The following BIVM variants were observed in gnomAD, a reference collection of about 807,000 sequenced individuals.
The protein encoded by BIVM is basic, immunoglobulin-like variable motif containing, also known as basic immunoglobulin-like variable motif-containing protein.
BIVM carries 31 observed loss-of-function variants against 61.4 expected under a neutral mutation model. That is an observed-to-expected ratio of 0.51 (90% confidence interval 0.38 to 0.68). The LOEUF (loss-of-function observed/expected upper bound fraction) is 0.68, where lower values mean the gene tolerates loss of function less well. Among genes scored for constraint, BIVM ranks in the 30% least tolerant of loss-of-function variants. The pLI is 0.00. For synonymous variants in BIVM, 189 were observed against 210.7 expected (o/e 0.90, Z 0.89); for missense variants, 526 against 596.0 (o/e 0.88, Z 1.22).
chr13:102,803,178 G>A (rs917500092), intron 1 of BIVM, among the ~76,000 whole-genome samples: 1 of 149,838 alleles, frequency 6.7e-6, no homozygotes, highest in East Asian at 2.0e-4. Context: ...AAAAAAAAAG[G>A]TTATTCTATA....
At chr13:102,836,050 G>A (rs1207847425) in intron 9 of BIVM, among the ~76,000 whole-genome samples, 1 of 152,146 alleles carries the variant, frequency 6.6e-6, no homozygotes, top group Non-Finnish European at 1.5e-5. Flanking sequence ...TGTTCTCCTG[G>A]AAGACACCTA....
chr13:102,807,335 A>G lies in BIVM; in HGVS notation c.68A>G (p.Lys23Arg). 6.2e-7 allele frequency: 1 copy of G among 1,614,200 alleles called. No individual in the cohort carries two copies. Among genetic ancestry groups the G allele is most frequent in the Admixed American group, 1.7e-5 (1 of 60,022 alleles). ...AATGGTGAGCACAAATCTGAGAGAA[A>G]GTCACCTGAAGAGAATCTACAAGGT... ...SGNGEHKSER[K>R]SPEENLQGAV... is the part of the protein sequence containing the mutation. The change falls in exon 3 of 11, where the codon AAG becomes AGG. Residue 23 changes from lysine to arginine, a missense_variant. Lys to Arg is a conservative substitution (Grantham distance 26, BLOSUM62 2). Around this residue, in one of 3 missense-constraint regions of BIVM, gnomAD observed 312 missense variants for 343.8 expected, o/e 0.91. Coordinates refer to ENST00000257336, the MANE Select transcript of BIVM (RefSeq NM_017693.4). The surrounding 1 kb of genome is among the most constrained non-coding windows in gnomAD (Gnocchi z 4.0).
At chr13:102,825,429 A>T (rs1880606219) in intron 7 of BIVM, among the ~76,000 whole-genome samples, 1 of 152,028 alleles carries the variant, frequency 6.6e-6, no homozygotes, top group South Asian at 2.1e-4. Context: ...CAATGTAAAA[A>T]CCATTTTAGC....
At chr13:102,831,827 A>T in intron 8 of BIVM, 130 bp downstream of exon 8, 1 of 872,710 alleles carries the variant, frequency 1.1e-6, no homozygotes. Context: ...CAGAAGATCG[A>T]GACCATCCTG....
intron 8 of BIVM, among the ~76,000 whole-genome samples, chr13:102,833,032 G>A (rs1350362073): frequency 6.6e-6 from 1 of 152,006 alleles, no homozygotes; most frequent in African/African-American, 2.4e-5. Flanking sequence ...GCTGAGGCAG[G>A]CAGATTGCTT....
At position 102,831,705 on chromosome 13, in the gene BIVM, T is replaced by G. The variant is rs772069245; in HGVS notation, c.1034+8T>G. Reference sequence around the variant, plus strand: ...AGCTAATAAAGCATTCAGGTAAGCATTGACGTGTTTTAGAAAGTGCATTTT... The same window carrying G: ...AGCTAATAAAGCATTCAGGTAAGCAGTGACGTGTTTTAGAAAGTGCATTTT... On this transcript the variant is annotated splice_region_variant and intron_variant, in intron 8 of 10. Coordinates refer to ENST00000257336, the MANE Select transcript of BIVM (RefSeq NM_017693.4). 1 of 1,613,960 alleles carries G rather than the reference T, an allele frequency of 6.2e-7. No individual in the cohort carries two copies. The highest frequency in any genetic ancestry group is 1.1e-5 in the South Asian group (1 of 91,062).
At chr13:102,815,765 G>A (rs1210553253) in intron 3 of BIVM, among the ~76,000 whole-genome samples, 2 of 152,188 alleles carry the variant, frequency 1.3e-5, no homozygotes, top group African/African-American at 2.4e-5. Flanking sequence ...TTGTATGTGT[G>A]TGCATGTATG....
At chr13:102,834,439 C>T (rs368146903) in intron 8 of BIVM, 27 bp from the exon 9 acceptor site, 31 of 1,579,194 alleles carry the variant, frequency 2.0e-5, no homozygotes, top group Middle Eastern at 1.7e-4. Context: ...AACTATTAAA[C>T]GTACTGTGAA....
At chr13:102,819,186 A>T (rs953098843) in intron 4 of BIVM, among the ~76,000 whole-genome samples, 1 of 152,228 alleles carries the variant, frequency 6.6e-6, no homozygotes, top group Non-Finnish European at 1.5e-5. Flanking sequence ...GAATAAGGAC[A>T]TTAGTAAATT....
In BIVM at chr13:102,841,147, TCTG is replaced by T. The variant is rs1881771983; in HGVS notation, c.*1287_*1289del. On this transcript the variant is annotated 3_prime_UTR_variant, in exon 11 of 11. Coordinates refer to ENST00000257336, the MANE Select transcript of BIVM (RefSeq NM_017693.4). Reference sequence around the variant, plus strand: ...TCCTCTAGTTGCTGTTGGTTTTTCTTCTGCTGCCAACCTGTGACTCACAAATGA... The same window carrying T: ...TCCTCTAGTTGCTGTTGGTTTTTCTTCTGCCAACCTGTGACTCACAAATGA... The T allele has an allele frequency of 6.6e-6, 1 of 152,602 alleles. No homozygotes were observed. Among genetic ancestry groups the T allele is most frequent in the Admixed American group, 6.5e-5 (1 of 15,274 alleles). The allele number at this position is 152,602 out of a possible 1,614,324, so 9.5% of individuals were successfully genotyped here.
rs562045701 is a variant in BIVM at position 102,834,835 on chromosome 13, A to G, written c.1121+283A>G. Among the ~76,000 whole-genome samples, 12 of 152,324 alleles carry G rather than the reference A, an allele frequency of 7.9e-5. No homozygotes were observed. The East Asian group carries it at 2.3e-3, about 29-fold the overall frequency. ...ATCAGACAATATTATTTTTGCATCA[A>G]TATCTTAAGTAACATTTTTGAGATT... is the stretch of plus-strand genomic sequence containing the variant. On this transcript the variant is annotated intron_variant, in intron 9 of 10. Coordinates refer to ENST00000257336, the MANE Select transcript of BIVM (RefSeq NM_017693.4).
In BIVM at chr13:102,807,586, T is replaced by C. The variant is rs1879186827; in HGVS notation, c.319T>C (p.Ser107Pro). 6.2e-7 allele frequency: 1 copy of C among 1,614,088 alleles called. No individual in the cohort carries two copies. Among genetic ancestry groups the C allele is most frequent in the Non-Finnish European group, 8.5e-7 (1 of 1,180,052 alleles). Residue 107 changes from serine (S) to proline (P), a missense_variant, in exon 3 of 11, where the codon TCA becomes CCA. Physicochemically the swap from Ser to Pro is moderately conservative, Grantham distance 74. Around this residue, in one of 3 missense-constraint regions of BIVM, gnomAD observed 312 missense variants for 343.8 expected, o/e 0.91. Coordinates refer to ENST00000257336, the MANE Select transcript of BIVM (RefSeq NM_017693.4). The surrounding 1 kb of genome is among the most constrained non-coding windows in gnomAD (Gnocchi z 4.0). ...CTCTTTATCTGCTGGAAATAATTCA[T>C]CAAGATACATTGGTATCCCGACTAG... ...STSLSAGNNS[S>P]RYIGIPTSTS...
At chr13:102,824,880 C>T (rs564049186) in intron 7 of BIVM, among the ~76,000 whole-genome samples, 2 of 152,234 alleles carry the variant, frequency 1.3e-5, no homozygotes, top group Admixed American at 6.5e-5. Flanking sequence ...TCCCCTTAGC[C>T]TCCCAAGTAG....
At chr13:102,821,963 G>T (rs1880324861) in intron 6 of BIVM, 102 bp from the exon 7 acceptor site, 1 of 1,528,716 alleles carries the variant, frequency 6.5e-7, no homozygotes, top group Non-Finnish European at 9.0e-7. Flanking sequence ...ACCTCTCATA[G>T]GTATACCAAC....
chr13:102,801,852 C>G (rs1275069332), intron 1 of BIVM: 1 of 152,158 alleles, frequency 6.6e-6, no homozygotes, highest in Non-Finnish European at 1.5e-5. Flanking sequence ...GTTTGAGAAG[C>G]CAAGAAGGTT....
intron 7 of BIVM, among the ~76,000 whole-genome samples, chr13:102,831,295 T>G (rs114496290): frequency 1.0e-3 from 156 of 152,312 alleles, no homozygotes; most frequent in African/African-American, 3.7e-3. Context: ...TAGACAAGTA[T>G]GTGTGTTATT....
Position 102,807,454 on chromosome 13 carries a change from C to T in BIVM, c.187C>T (p.Arg63Trp), listed in dbSNP as rs778387106. ...ATGGAGTTGTCCAGTGACTCATACACGGGAAAAAATTTATGCCATCTGTTC... is the reference window on the plus strand; with the variant it reads ...ATGGAGTTGTCCAGTGACTCATACATGGGAAAAAATTTATGCCATCTGTTC... ...YPWSCPVTHT[R>W]EKIYAICSDY... Residue 63 changes from arginine (R) to tryptophan (W), a missense_variant, in exon 3 of 11, where the codon CGG becomes TGG. By Grantham distance (101) the Arg-to-Trp change is moderately radical. Coordinates refer to ENST00000257336, the MANE Select transcript of BIVM (RefSeq NM_017693.4). The surrounding 1 kb of genome is among the most constrained non-coding windows in gnomAD (Gnocchi z 4.0). 28 of 1,614,020 alleles carry T rather than the reference C, an allele frequency of 1.7e-5. No homozygotes were observed. Among genetic ancestry groups the T allele is most frequent in the African/African-American group, 4.0e-5 (3 of 74,906 alleles).
chr13:102,822,013 C>G, intron 6 of BIVM, 52 bp from the exon 7 acceptor site: 1 of 1,595,436 alleles, frequency 6.3e-7, no homozygotes, highest in South Asian at 1.1e-5. Context: ...TGGAATAATG[C>G]CATCTTTGTT....
At chr13:102,806,509 C>T (rs932635316) in intron 2 of BIVM, among the ~76,000 whole-genome samples, 8 of 152,184 alleles carry the variant, frequency 5.3e-5, no homozygotes, top group African/African-American at 1.9e-4. Flanking sequence ...CTTGGCCTCC[C>T]AAAGTGCTGG....
Sources: allele counts gnomAD v4.1 joint callset (sites outside exome capture counted in the v4.1 genomes callset), GRCh38; gene constraint gnomAD v4.1.1; regional missense constraint gnomAD v4.1.1; non-coding constraint Gnocchi (gnomAD v3.1); transcripts MANE v1.5; gene names NCBI Gene and HGNC (gene_info 2026-07-23, HGNC 2026-07-21).